Variants in SMG6 observed in about 807,000 individuals in gnomAD.
SMG6 encodes the protein SMG6 nonsense mediated mRNA decay factor.
A neutral mutation model predicts 142.2 loss-of-function variants in SMG6; 66 were observed. The observed-to-expected ratio is 0.46, with a 90% confidence interval of 0.38 to 0.57. SMG6 has a LOEUF of 0.57. Among genes scored for constraint, SMG6 ranks in the 20% least tolerant of loss-of-function variants. SMG6 has a pLI of 0.00. For missense variants in SMG6, 1,793 were observed against 1,832.0 expected (o/e 0.98, Z 0.39); for synonymous variants, 779 against 702.4 (o/e 1.11, Z -1.72).
At chr17:2,087,354 G>A in intron 13 of SMG6, 1 of 1,204,890 alleles carries the variant, frequency 8.3e-7, no homozygotes, top group Non-Finnish European at 1.1e-6. Context: ...CCAGGAAAGT[G>A]CGGCACACAC....
chr17:2,264,924 TAAA>T (rs1249607644), intron 8 of SMG6, among the ~76,000 whole-genome samples: 1 of 151,658 alleles, frequency 6.6e-6, no homozygotes, highest in Non-Finnish European at 1.5e-5. Context: ...AAAATTTCCT[TAAA>T]ATCTTGTATT....
At chr17:2,198,706 C>A (rs547011400) in intron 10 of SMG6, among the ~76,000 whole-genome samples, 22 of 151,928 alleles carry the variant, frequency 1.4e-4, no homozygotes, top group Non-Finnish European at 2.9e-4. Flanking sequence ...AAAAAGTAAA[C>A]CCAAGTAAAA....
chr17:2,187,278 C>T (rs1414843821), intron 11 of SMG6, among the ~76,000 whole-genome samples: 1 of 152,136 alleles, frequency 6.6e-6, no homozygotes, highest in African/African-American at 2.4e-5. Context: ...ACAGAAAAAC[C>T]ATCCCAAATT....
intron 13 of SMG6, among the ~76,000 whole-genome samples, chr17:2,107,479 G>C (rs549184065): frequency 5.0e-4 from 76 of 152,310 alleles, no homozygotes; most frequent in Non-Finnish European, 9.6e-4. Flanking sequence ...TTAGCTGCTA[G>C]AGGATTATAG....
intron 13 of SMG6, among the ~76,000 whole-genome samples, chr17:2,091,999 T>C (rs1220357015): frequency 6.6e-6 from 1 of 151,700 alleles, no homozygotes; most frequent in Non-Finnish European, 1.5e-5. Flanking sequence ...CTTTTTTTTT[T>C]TTTGAGACAG....
intron 15 of SMG6, among the ~76,000 whole-genome samples, chr17:2,081,286 G>T (rs1597354332): frequency 6.6e-6 from 1 of 152,188 alleles, no homozygotes; most frequent in Non-Finnish European, 1.5e-5. Flanking sequence ...GCCCGTGAGA[G>T]GGCTGATGGG....
At chr17:2,156,834 G>C (rs1037385343) in intron 13 of SMG6, among the ~76,000 whole-genome samples, 1 of 152,084 alleles carries the variant, frequency 6.6e-6, no homozygotes, top group South Asian at 2.1e-4. Context: ...TTATTTTTTT[G>C]TGGTGACAAG....
At chr17:2,206,624 T>TA (rs1406096755) in intron 10 of SMG6, among the ~76,000 whole-genome samples, 1 of 152,076 alleles carries the variant, frequency 6.6e-6, no homozygotes, top group African/African-American at 2.4e-5. Context: ...CTCATGCCTG[T>TA]AATCACAGCA....
chr17:2,117,294 T>G (rs1378583824), intron 13 of SMG6, among the ~76,000 whole-genome samples: 1 of 151,730 alleles, frequency 6.6e-6, no homozygotes, highest in East Asian at 1.9e-4. Flanking sequence ...AACTCACTAG[T>G]GGAGATCTCA....
chr17:2,182,742 T>C (rs910764342), intron 12 of SMG6, among the ~76,000 whole-genome samples: 6 of 151,982 alleles, frequency 3.9e-5, no homozygotes, highest in Non-Finnish European at 7.4e-5. Context: ...ATTACTTCTC[T>C]CCAGAGAAGA....
chr17:2,180,141 G>A (rs892122022), intron 12 of SMG6, among the ~76,000 whole-genome samples: 3 of 152,128 alleles, frequency 2.0e-5, no homozygotes, highest in Admixed American at 6.5e-5. Flanking sequence ...TCTCCAGCAC[G>A]ACTTTCCTTG....
chr17:2,272,446 T>G (rs1431856941), intron 8 of SMG6, among the ~76,000 whole-genome samples: 2 of 152,152 alleles, frequency 1.3e-5, no homozygotes, highest in African/African-American at 4.8e-5. Flanking sequence ...CAACCTTCAT[T>G]GTTCATGGAT....
intron 9 of SMG6, among the ~76,000 whole-genome samples, chr17:2,239,553 T>C (rs1216517122): frequency 6.6e-6 from 1 of 152,126 alleles, no homozygotes; most frequent in Non-Finnish European, 1.5e-5. Context: ...TGAAAATAGT[T>C]GTAAAGCAAT....
intron 13 of SMG6, chr17:2,101,589 G>T (rs1463035760): frequency 6.6e-6 from 1 of 152,144 alleles, no homozygotes; most frequent in Non-Finnish European, 1.5e-5. Context: ...GCTCACCAGC[G>T]CTACCTTCCT....
chr17:2,124,350 C>T (rs2760734), intron 13 of SMG6, among the ~76,000 whole-genome samples: 26,529 of 152,202 alleles, frequency 0.17, 2,357 homozygotes, highest in South Asian at 0.2. Flanking sequence ...AACTGGCTAA[C>T]TACTGGGTTA....
intron 9 of SMG6, chr17:2,237,564 C>T: frequency 1.0e-6 from 1 of 985,470 alleles, no homozygotes; most frequent in Non-Finnish European, 1.2e-6. Flanking sequence ...CAAGGCTCTG[C>T]TCATCGGGGT....
intron 3 of SMG6, 104 bp downstream of exon 3, chr17:2,297,759 T>C (rs573669692): frequency 1.5e-6 from 2 of 1,345,388 alleles, no homozygotes; most frequent in East Asian, 4.7e-5. Context: ...GCAGTTTTTT[T>C]GTCGATATTC....
intron 13 of SMG6, among the ~76,000 whole-genome samples, chr17:2,128,742 T>C (rs1317072899): frequency 6.8e-6 from 1 of 146,940 alleles, no homozygotes; most frequent in East Asian, 2.0e-4. Flanking sequence ...GAGAATCACT[T>C]GAACCCAGGA....
At chr17:2,261,441 A>G (rs909161882) in intron 8 of SMG6, among the ~76,000 whole-genome samples, 5 of 152,132 alleles carry the variant, frequency 3.3e-5, no homozygotes, top group Non-Finnish European at 7.3e-5. Context: ...TTCTGTGTAT[A>G]TATATTTTTG....
Sources: allele counts gnomAD v4.1 joint callset (sites outside exome capture counted in the v4.1 genomes callset), GRCh38; gene constraint gnomAD v4.1.1; transcripts MANE v1.5; gene names NCBI Gene and HGNC (gene_info 2026-07-23, HGNC 2026-07-21).